SNRK: variants seen among roughly 807,000 people sequenced by gnomAD.
SNRK encodes the protein SNF-related serine/threonine-protein kinase.
In SNRK, 3 loss-of-function variants were observed where a neutral mutation model predicts 48.2. The ratio of observed to expected loss-of-function variants is 0.06; its 90% CI spans 0.03 to 0.16. The LOEUF (loss-of-function observed/expected upper bound fraction) is 0.16. Ranked by LOEUF, SNRK falls within the 10% of genes least tolerant of loss-of-function variation. SNRK has a pLI of 1.00. For missense variants in SNRK, 627 were observed against 976.0 expected, an observed-to-expected ratio of 0.64 and a Z score of 4.76; for synonymous variants, 376 against 366.1, an observed-to-expected ratio of 1.03 and a Z score of -0.31.
intron 4 of SNRK, among the ~76,000 whole-genome samples, chr3:43,337,855 G>T (rs1353939638): frequency 1.3e-5 from 2 of 152,108 alleles, no homozygotes; most frequent in Non-Finnish European, 2.9e-5. Flanking sequence ...CCTCCACCTG[G>T]TGTCTCTGTT....
rs1042088602 is a variant in SNRK at position 43,351,139 on chromosome 3, A to G, written c.*2582A>G. ...AAGTGACATATTGGTGTTCAGCAAT[A>G]TAAACCGTGTCCTGTGTTGTATTGC... is the stretch of plus-strand genomic sequence containing the variant. On this transcript the variant is annotated 3_prime_UTR_variant, in exon 7 of 7. Transcript: ENST00000296088. 6 of 152,760 alleles carry G rather than the reference A, an allele frequency of 3.9e-5. No individual in the cohort carries two copies. Among genetic ancestry groups the G allele is most frequent in the African/African-American group, 7.2e-5 (3 of 41,568 alleles). 9.5% of individuals were successfully genotyped at this position (152,760 alleles called of 1,614,324 possible). A position where few individuals can be genotyped will look rare whatever the true frequency, so the allele number is the denominator to read the frequency against.
chr3:43,331,534 C>G (rs2091146212), intron 3 of SNRK, among the ~76,000 whole-genome samples: 7 of 152,174 alleles, frequency 4.6e-5, no homozygotes, highest in Admixed American at 4.6e-4. Context: ...ACTGCCTTTT[C>G]TGGTATTGTA....
chr3:43,323,309 A>G (rs1332035467), intron 3 of SNRK, among the ~76,000 whole-genome samples: 2 of 152,270 alleles, frequency 1.3e-5, no homozygotes, highest in Non-Finnish European at 2.9e-5. Flanking sequence ...CATGATCCAA[A>G]AAAGAAAAAT....
intron 3 of SNRK, among the ~76,000 whole-genome samples, chr3:43,304,408 T>C (rs745379254): frequency 6.6e-6 from 1 of 152,222 alleles, no homozygotes; most frequent in Non-Finnish European, 1.5e-5. Flanking sequence ...AGAGGCTTTC[T>C]GTATGGTGGA....
At chr3:43,332,597 G>A (rs1320518515) in intron 4 of SNRK, 2 of 209,658 alleles carry the variant, frequency 9.5e-6, no homozygotes, top group Non-Finnish European at 1.9e-5. Context: ...ACCTTCAGGA[G>A]TGGTGGTTAT....
chr3:43,347,942 C>T lies in SNRK; in HGVS notation c.1683C>T (p.Thr561=). ...GGCTCGATAAAGATAGCGGGTTCAC[C>T]TACTCCTGGCACCGACGGGATAGCA... ...RRRLDKDSGF[T]YSWHRRDSSE... Residue 561 remains threonine, a synonymous_variant, in exon 7 of 7, where the codon ACC becomes ACT. Coordinates refer to ENST00000296088, the MANE Select transcript of SNRK (RefSeq NM_017719.5). This position sits in a 1 kb window ranked among gnomAD's most constrained non-coding sequence, Gnocchi z 5.4. 1.2e-6 allele frequency: 2 copies of T among 1,614,124 alleles called. No homozygotes were observed. Among genetic ancestry groups the T allele is most frequent in the Non-Finnish European group, 1.7e-6 (2 of 1,180,036 alleles).
At chr3:43,345,619 A>G (rs1575562832) in intron 6 of SNRK, among the ~76,000 whole-genome samples, 1 of 152,152 alleles carries the variant, frequency 6.6e-6, no homozygotes, top group Non-Finnish European at 1.5e-5. Context: ...GTCCAGGGGC[A>G]GGGTCCTAGA....
In SNRK at chr3:43,350,814, GT is replaced by G. The variant is rs1559474555; in HGVS notation, c.*2258del. 1.3e-5 allele frequency: 2 copies of G among 152,604 alleles called. No individual in the cohort carries two copies. The highest frequency in any genetic ancestry group is 4.8e-5 in the African/African-American group (2 of 41,444). 9.5% of individuals were successfully genotyped at this position (152,604 alleles called of 1,614,324 possible). A position where few individuals can be genotyped will look rare whatever the true frequency, so the allele number is the denominator to read the frequency against. ...AAAAGTTGCATATAGTTACAGTAGT[GT>G]ATAAATTAAATATTGTGGAAAAACA... On this transcript the variant is annotated 3_prime_UTR_variant, in exon 7 of 7. Transcript: ENST00000296088.
chr3:43,322,293 G>A (rs529077403), intron 3 of SNRK, among the ~76,000 whole-genome samples: 2 of 152,288 alleles, frequency 1.3e-5, no homozygotes, highest in East Asian at 3.9e-4. Context: ...TAAATTCCAG[G>A]TGAATTAAGG....
At position 43,349,450 on chromosome 3, in the gene SNRK, G is replaced by T. The variant is rs533110245; in HGVS notation, c.*893G>T. ...CCTAGTACAGAAGGTGCACACAAAT[G>T]TTGGCAAAGTCAAAACCCCATGAAT... On this transcript the variant is annotated 3_prime_UTR_variant, in exon 7 of 7. Transcript: ENST00000296088. The T allele has an allele frequency of 1.3e-5, 2 of 152,026 alleles. No homozygotes were observed. The highest frequency in any genetic ancestry group is 2.9e-5 in the Non-Finnish European group (2 of 68,030). 9.4% of individuals were successfully genotyped at this position (152,026 alleles called of 1,614,324 possible). A position where few individuals can be genotyped will look rare whatever the true frequency, so the allele number is the denominator to read the frequency against.
intron 3 of SNRK, among the ~76,000 whole-genome samples, chr3:43,308,464 G>C (rs1454828020): frequency 6.6e-6 from 1 of 152,190 alleles, no homozygotes; most frequent in Non-Finnish European, 1.5e-5. Flanking sequence ...GCCACTTAAA[G>C]TTGAAGCCAT....
At position 43,340,035 on chromosome 3, in the gene SNRK, C is replaced by G. The variant is rs183186072; in HGVS notation, c.732-252C>G. Among the ~76,000 whole-genome samples the G allele has an allele frequency of 1.1e-3, 170 of 151,158 alleles. 1 individual carries two copies. Among genetic ancestry groups the G allele is most frequent in the African/African-American group, 3.9e-3 (160 of 41,202 alleles). ...TTAATTCAAGAACAGATGTTGATACCTATAGTTAATTCTGGATGATAGGGA... is the reference window on the plus strand; with the variant it reads ...TTAATTCAAGAACAGATGTTGATACGTATAGTTAATTCTGGATGATAGGGA... On this transcript the variant is annotated intron_variant, in intron 4 of 6. Coordinates refer to ENST00000296088, the MANE Select transcript of SNRK (RefSeq NM_017719.5).
At chr3:43,302,545 C>G (rs767255293) in intron 2 of SNRK, among the ~76,000 whole-genome samples, 1 of 151,920 alleles carries the variant, frequency 6.6e-6, no homozygotes, top group Non-Finnish European at 1.5e-5. Flanking sequence ...AGAATAAGAC[C>G]ACATAGAATA....
Position 43,303,127 on chromosome 3 carries a change from T to C in SNRK, c.-77T>C. The C allele has an allele frequency of 9.6e-7, 1 of 1,046,296 alleles. No homozygotes were observed. Among genetic ancestry groups the C allele is most frequent in the Non-Finnish European group, 1.4e-6 (1 of 734,252 alleles). The allele number at this position is 1,046,296 out of a possible 1,614,324, so 64.8% of individuals were successfully genotyped here. A position where few individuals can be genotyped will look rare whatever the true frequency, so the allele number is the denominator to read the frequency against. Reference sequence around the variant, plus strand: ...CCATGACGACATTGAAAATGAATTTTTTGTATTCACCAGATATTCTTATAT... The same window carrying C: ...CCATGACGACATTGAAAATGAATTTCTTGTATTCACCAGATATTCTTATAT... On this transcript the variant is annotated 5_prime_UTR_variant, in exon 3 of 7. Coordinates refer to ENST00000296088, the MANE Select transcript of SNRK (RefSeq NM_017719.5). The surrounding 1 kb of genome is among the most constrained non-coding windows in gnomAD (Gnocchi z 6.2).
chr3:43,340,574 C>T (rs2091227567), intron 5 of SNRK, 75 bp downstream of exon 5: 2 of 1,231,144 alleles, frequency 1.6e-6, no homozygotes, highest in Non-Finnish European at 2.3e-6. Context: ...CTTAACACAG[C>T]CTTTGGACAC....
intron 1 of SNRK, among the ~76,000 whole-genome samples, chr3:43,292,329 G>T (rs1347970256): frequency 6.6e-6 from 1 of 152,190 alleles, no homozygotes; most frequent in Non-Finnish European, 1.5e-5. Context: ...GCTTATTTCT[G>T]TGTTGCTTTC....
Position 43,347,560 on chromosome 3 carries a change from C to G in SNRK, c.1301C>G (p.Pro434Arg). ...LSTVPPASLKPTASGRKCLFR... is the reference protein window; with the variant it reads ...LSTVPPASLKRTASGRKCLFR... ...ACGGTGCCACCCGCAAGCTTAAAAC[C>G]CACAGCCAGTGGGCGGAAGTGTCTG... is the stretch of plus-strand genomic sequence containing the variant. Residue 434 changes from proline (P) to arginine (R), a missense_variant, in exon 7 of 7, where the codon CCC becomes CGC. Coordinates refer to ENST00000296088, the MANE Select transcript of SNRK (RefSeq NM_017719.5). This position sits in a 1 kb window ranked among gnomAD's most constrained non-coding sequence, Gnocchi z 5.4. The G allele has an allele frequency of 6.2e-7, 1 of 1,613,900 alleles. No individual in the cohort carries two copies. Among genetic ancestry groups the G allele is most frequent in the Non-Finnish European group, 8.5e-7 (1 of 1,179,926 alleles).
intron 1 of SNRK, among the ~76,000 whole-genome samples, chr3:43,293,806 T>C (rs139718989): frequency 0.025 from 3,800 of 151,848 alleles, 164 homozygotes; most frequent in African/African-American, 0.085. Context: ...GTAATCCCAG[T>C]TACTTGGGAG....
At chr3:43,291,398 T>C (rs1395373) in intron 1 of SNRK, among the ~76,000 whole-genome samples, 145,188 of 152,246 alleles carry the variant, frequency 0.95, 69,587 homozygotes, top group East Asian at 1. Flanking sequence ...ACCTTCCTAG[T>C]ATCCAGTACA....
Sources: gnomAD v4.1 joint callset for allele counts (sites outside exome capture counted in the v4.1 genomes callset) on GRCh38, gnomAD v4.1.1 for gene constraint, Gnocchi (gnomAD v3.1) non-coding constraint, MANE v1.5 for transcripts, NCBI Gene and HGNC (gene_info 2026-07-23, HGNC 2026-07-21) for gene names.